FAM76B: variants seen among roughly 807,000 people sequenced by gnomAD.
FAM76B encodes the protein protein FAM76B.
A neutral mutation model predicts 51.8 loss-of-function variants in FAM76B; 16 were observed. The ratio of observed to expected loss-of-function variants is 0.31; its 90% CI spans 0.21 to 0.47. The LOEUF is 0.47. Ranked by LOEUF, FAM76B falls within the 20% of genes least tolerant of loss-of-function variation. The pLI is 1.00. For synonymous variants in FAM76B, 166 were observed against 129.5 expected (o/e 1.28, Z -1.91); for missense variants, 342 against 392.6 (o/e 0.87, Z 1.09).
At chr11:95,777,525 A>G (rs1482037414) in intron 8 of FAM76B, among the ~76,000 whole-genome samples, 1 of 151,374 alleles carries the variant, frequency 6.6e-6, no homozygotes, top group Non-Finnish European at 1.5e-5. Context: ...ATGCAGATAT[A>G]TCTGGCCTGT....
At chr11:95,784,420 T>C (rs1049584640) in intron 4 of FAM76B, among the ~76,000 whole-genome samples, 3 of 152,032 alleles carry the variant, frequency 2.0e-5, no homozygotes, top group Non-Finnish European at 4.4e-5. Flanking sequence ...AACGTGCACA[T>C]GTACCCCTGA....
At position 95,770,640 on chromosome 11, in the gene FAM76B, A is replaced by G. The variant is rs1436026290; in HGVS notation, c.*921T>C. 6.6e-6 allele frequency: 1 copy of G among 151,846 alleles called. No individual in the cohort carries two copies. The highest frequency in any genetic ancestry group is 1.5e-5 in the Non-Finnish European group (1 of 67,494). The allele number at this position is 151,846 out of a possible 1,614,324, so 9.4% of individuals were successfully genotyped here. A position where few individuals can be genotyped will look rare whatever the true frequency, so the allele number is the denominator to read the frequency against. On this transcript the variant is annotated 3_prime_UTR_variant, in exon 10 of 10. Transcript: ENST00000358780. ...TATTTTGACATAATTAAATGAATTC[A>G]AAGACCAACAGCTTCCCTTATCACA... is the stretch of plus-strand genomic sequence containing the variant.
chr11:95,789,725 C>T lies in FAM76B; in HGVS notation c.-247G>A, dbSNP rs1860899960. Reference sequence around the variant, plus strand: ...GCCGCTCCCGCTTAGGCCCCGATAGCGGCGGAGGGAGACGAAGCGGGTAGG... The same window carrying T: ...GCCGCTCCCGCTTAGGCCCCGATAGTGGCGGAGGGAGACGAAGCGGGTAGG... On this transcript the variant is annotated 5_prime_UTR_variant, in exon 1 of 10. Transcript: ENST00000358780. The T allele has an allele frequency of 2.1e-6, 1 of 478,502 alleles. No homozygotes were observed. The highest frequency in any genetic ancestry group is 3.7e-6 in the Non-Finnish European group (1 of 272,842). 29.6% of individuals were successfully genotyped at this position (478,502 alleles called of 1,614,324 possible).
chr11:95,774,000 A>G (rs1400180901), intron 9 of FAM76B, among the ~76,000 whole-genome samples: 1 of 151,376 alleles, frequency 6.6e-6, no homozygotes, highest in Admixed American at 6.6e-5. Flanking sequence ...TCACCTCAGT[A>G]AAGAATCCTA....
intron 7 of FAM76B, chr11:95,779,240 G>T (rs1212648212): frequency 4.1e-6 from 4 of 975,822 alleles, no homozygotes; most frequent in Non-Finnish European, 6.0e-6. Context: ...TTTGGCTAAT[G>T]AACTAAAACA....
chr11:95,786,408 C>T (rs1302133158), intron 3 of FAM76B, 134 bp from the exon 4 acceptor site: 8 of 948,594 alleles, frequency 8.4e-6, no homozygotes, highest in African/African-American at 1.7e-5. Flanking sequence ...AAGTTTGTTG[C>T]CCTGTCACAT....
intron 9 of FAM76B, among the ~76,000 whole-genome samples, chr11:95,773,434 A>C (rs1230625142): frequency 6.9e-6 from 1 of 144,170 alleles, no homozygotes; most frequent in Non-Finnish European, 1.5e-5. Context: ...TTTTATCCTA[A>C]AATTACTTCA....
chr11:95,783,280 G>A lies in FAM76B; in HGVS notation c.364-16C>T, dbSNP rs775773474. 1 of 1,607,056 alleles carries A rather than the reference G, an allele frequency of 6.2e-7. No homozygotes were observed. The highest frequency in any genetic ancestry group is 8.5e-7 in the Non-Finnish European group (1 of 1,176,866). ...TTCCATCAACCTTTTAAGAAAATGT[G>A]TTAAATTAAATGTACCCATATAAAC... On this transcript the variant is annotated splice_polypyrimidine_tract_variant and intron_variant, in intron 4 of 9. Transcript: ENST00000358780.
At chr11:95,783,014 G>C in intron 5 of FAM76B, 51 bp downstream of exon 5, 2 of 1,598,572 alleles carry the variant, frequency 1.3e-6, no homozygotes, top group Non-Finnish European at 1.7e-6. Context: ...TCAATAAATG[G>C]CATTAAAATG....
chr11:95,789,026 C>G (rs1426908474), intron 1 of FAM76B: 2 of 1,374,674 alleles, frequency 1.5e-6, no homozygotes, highest in Non-Finnish European at 1.9e-6. Context: ...TCCCCTGCCT[C>G]CTGGTGGAAG....
rs768078323 is a variant in FAM76B, at chr11:95,787,657, C to G, written c.174G>C (p.Lys58Asn). 1.9e-6 allele frequency: 3 copies of G among 1,609,870 alleles called. No homozygotes were observed. The South Asian group carries it at 3.3e-5, about 18-fold the overall frequency. ...ATTGCTTCACATTTTGAGCACACTTCTTACAAATTGTGTTAGTTTTGCTGA... is the reference window on the plus strand; with the variant it reads ...ATTGCTTCACATTTTGAGCACACTTGTTACAAATTGTGTTAGTTTTGCTGA... ...QQESKTNTIC[K>N]KCAQNVKQFG... Residue 58 changes from lysine to asparagine, a missense_variant, in exon 3 of 10, where the codon AAG becomes AAC. This residue lies in a region of FAM76B where 96 missense variants were observed against 94.7 expected (regional missense o/e 1.01). Coordinates refer to ENST00000358780, the MANE Select transcript of FAM76B (RefSeq NM_144664.5).
intron 9 of FAM76B, 128 bp from the exon 10 acceptor site, chr11:95,771,778 A>G (rs1213169391): frequency 2.9e-6 from 2 of 695,378 alleles, no homozygotes; most frequent in Admixed American, 3.1e-5. Flanking sequence ...ACATTAAATG[A>G]AAGAGTTGAT....
chr11:95,789,747 T>C lies in FAM76B; in HGVS notation c.-269A>G. The C allele has an allele frequency of 2.2e-6, 1 of 452,364 alleles. No individual in the cohort carries two copies. The highest frequency in any genetic ancestry group is 3.9e-6 in the Non-Finnish European group (1 of 256,872). The allele number at this position is 452,364 out of a possible 1,614,324, so 28.0% of individuals were successfully genotyped here. A position where few individuals can be genotyped will look rare whatever the true frequency, so the allele number is the denominator to read the frequency against. On this transcript the variant is annotated 5_prime_UTR_variant, in exon 1 of 10. Coordinates refer to ENST00000358780, the MANE Select transcript of FAM76B (RefSeq NM_144664.5). ...TAGCGGCGGAGGGAGACGAAGCGGG[T>C]AGGGGGTTGCTGTTTAGCTGTGCGG...
chr11:95,779,627 A>G lies in FAM76B; in HGVS notation c.672T>C (p.Ser224=). 1 of 1,609,956 alleles carries G rather than the reference A, an allele frequency of 6.2e-7. No individual in the cohort carries two copies. The highest frequency in any genetic ancestry group is 1.7e-5 in the Admixed American group (1 of 59,612). The change falls in exon 7 of 10, where the codon TCT becomes TCC. Residue 224 remains serine (S), a synonymous_variant. Coordinates refer to ENST00000358780, the MANE Select transcript of FAM76B (RefSeq NM_144664.5). The stretch of plus-strand genomic sequence containing the variant: ...TTTACCTATCTCCATTAGATGGCTT[A>G]GATTCCAATTTGGGCTTTTTCTTTG... ...ETPKKKPKLE[S]KPSNGDSSSI...
rs527865806 is a variant in FAM76B, at chr11:95,769,732, T to A, written c.*1829A>T. 6.6e-6 allele frequency: 1 copy of A among 151,634 alleles called. No individual in the cohort carries two copies. Among genetic ancestry groups the A allele is most frequent in the Non-Finnish European group, 1.5e-5 (1 of 67,664 alleles). The allele number at this position is 151,634 out of a possible 1,614,324, so 9.4% of individuals were successfully genotyped here. ...CAAATCCTGCAAACGTTAAAATCCA[T>A]GTTAAGGCATTATCTATCATGGTTG... is the stretch of plus-strand genomic sequence containing the variant. On this transcript the variant is annotated 3_prime_UTR_variant, in exon 10 of 10. Coordinates refer to ENST00000358780, the MANE Select transcript of FAM76B (RefSeq NM_144664.5).
At chr11:95,783,323 AG>A in intron 4 of FAM76B, 59 bp from the exon 5 acceptor site, 1 of 1,501,480 alleles carries the variant, frequency 6.7e-7, no homozygotes, top group South Asian at 1.2e-5. Flanking sequence ...AAACGAAACC[AG>A]GTAAGATAAA....
At position 95,778,955 on chromosome 11, in the gene FAM76B, C is replaced by T. The variant is rs1231796108; in HGVS notation, c.695G>A (p.Ser232Asn). 6.2e-7 allele frequency: 1 copy of T among 1,604,968 alleles called. No individual in the cohort carries two copies. The highest frequency in any genetic ancestry group is 8.5e-7 in the Non-Finnish European group (1 of 1,176,306). Residue 232 changes from serine to asparagine, a missense_variant and splice_region_variant, in exon 8 of 10, where the codon AGC (serine) becomes AAC (asparagine). By Grantham distance (46) the Ser-to-Asn change is conservative. Around this residue, in one of 3 missense-constraint regions of FAM76B, gnomAD observed 230 missense variants for 257.4 expected, o/e 0.89. Coordinates refer to ENST00000358780, the MANE Select transcript of FAM76B (RefSeq NM_144664.5). ...ACTATCTGCTGACTGATTTATAGAGCTACTAAAAAGAAAAAAGTAAAACAC... is the reference window on the plus strand; with the variant it reads ...ACTATCTGCTGACTGATTTATAGAGTTACTAAAAAGAAAAAAGTAAAACAC... Reference protein sequence around the residue: ...LESKPSNGDSSSINQSADSGG... With the variant: ...LESKPSNGDSNSINQSADSGG...
chr11:95,783,082 G>C lies in FAM76B; in HGVS notation c.546C>G (p.His182Gln). ...GTACTTACTTGTGATGGCTACTGCT[G>C]TGACGATGGTGATGGTGATGATGGT... is the stretch of plus-strand genomic sequence containing the variant. ...HHHHHHHHHR[H>Q]SSSHHKISNL... Residue 182 changes from histidine (H) to glutamine (Q), a missense_variant, in exon 5 of 10, where the codon CAC becomes CAG. By Grantham distance (24) the His-to-Gln change is conservative. This residue lies in a region of FAM76B where 230 missense variants were observed against 257.4 expected (regional missense o/e 0.89). Coordinates refer to ENST00000358780, the MANE Select transcript of FAM76B (RefSeq NM_144664.5). The C allele has an allele frequency of 6.2e-7, 1 of 1,613,862 alleles. No homozygotes were observed. Among genetic ancestry groups the C allele is most frequent in the South Asian group, 1.1e-5 (1 of 91,064 alleles).
chr11:95,788,215 A>AAT (rs1266474252), intron 2 of FAM76B, among the ~76,000 whole-genome samples: 1 of 152,086 alleles, frequency 6.6e-6, no homozygotes, highest in Non-Finnish European at 1.5e-5. Flanking sequence ...ATTTTTTTTT[A>AAT]GTTTAACATA....
Sources: gnomAD v4.1 joint callset for allele counts (sites outside exome capture counted in the v4.1 genomes callset) on GRCh38, gnomAD v4.1.1 for gene constraint, gnomAD v4.1.1 regional missense constraint, MANE v1.5 for transcripts, NCBI Gene and HGNC (gene_info 2026-07-23, HGNC 2026-07-21) for gene names.